DNAAF8: variants seen among roughly 807,000 people sequenced by gnomAD.
DNAAF8 encodes the protein dynein axonemal-associated protein 1.
A neutral mutation model predicts 54.6 loss-of-function variants in DNAAF8; 61 were observed. The observed-to-expected ratio is 1.12, with a 90% CI of 0.91 to 1.38. DNAAF8 has a LOEUF of 1.38. Ranked by LOEUF, DNAAF8 falls within the 40% of genes most tolerant of loss-of-function variation. The pLI is 0.00. For synonymous variants in DNAAF8, 320 were observed against 270.1 expected (o/e 1.18, Z -1.81); for missense variants, 837 against 665.0 (o/e 1.26, Z -2.85).
rs2082052282 is a variant in DNAAF8, at chr16:4,748,968, G to A, written c.*253G>A. 6.6e-6 allele frequency: 1 copy of A among 152,334 alleles called. No individual in the cohort carries two copies. The highest frequency in any genetic ancestry group is 1.5e-5 in the Non-Finnish European group (1 of 68,108). 9.4% of individuals were successfully genotyped at this position (152,334 alleles called of 1,614,324 possible). A position where few individuals can be genotyped will look rare whatever the true frequency, so the allele number is the denominator to read the frequency against. Reference sequence around the variant, plus strand: ...CCGTGGTCACTGGCCGCCAAGATCAGGGCTACAGATGTCTGCTCTCTGGAC... The same window carrying A: ...CCGTGGTCACTGGCCGCCAAGATCAAGGCTACAGATGTCTGCTCTCTGGAC... On this transcript the variant is annotated 3_prime_UTR_variant, in exon 10 of 10. Coordinates refer to ENST00000299320, the MANE Select transcript of DNAAF8 (RefSeq NM_139170.3).
At chr16:4,737,613 G>C (rs567320170) in intron 2 of DNAAF8, among the ~76,000 whole-genome samples, 187 bp from the exon 3 acceptor site, 1 of 152,042 alleles carries the variant, frequency 6.6e-6, no homozygotes, top group Non-Finnish European at 1.5e-5. Flanking sequence ...AAGAAGCCGC[G>C]CACAGCAAGG....
At chr16:4,745,946 C>G (rs2082010090) in intron 6 of DNAAF8, among the ~76,000 whole-genome samples, 1 of 117,016 alleles carries the variant, frequency 8.5e-6, no homozygotes, top group African/African-American at 3.1e-5. Flanking sequence ...GAGCAAGACT[C>G]TGTCTCAAAA....
chr16:4,746,882 C>T, intron 7 of DNAAF8, 45 bp from the exon 8 acceptor site: 1 of 1,481,108 alleles, frequency 6.8e-7, no homozygotes, highest in Non-Finnish European at 9.0e-7. Context: ...AGTTGGAACA[C>T]CAGGTGGAGT....
At chr16:4,743,526 A>C in intron 5 of DNAAF8, 2 of 172,716 alleles carry the variant, frequency 1.2e-5, no homozygotes, top group Non-Finnish European at 2.4e-5. Context: ...GTCAGCTCCT[A>C]AGCACGCTCC....
Position 4,746,476 on chromosome 16 carries a change from G to A in DNAAF8, c.1145G>A (p.Arg382Gln), listed in dbSNP as rs560198956. ...TCCCCCACCATCTTTATTGACCTGC[G>A]GCAGATGGAGCTACCAGACCACCTG... ...AESPTIFIDL[R>Q]QMELPDHLSP... Residue 382 changes from arginine to glutamine, a missense_variant, in exon 7 of 10, where the codon CGG becomes CAG. Coordinates refer to ENST00000299320, the MANE Select transcript of DNAAF8 (RefSeq NM_139170.3). The A allele has an allele frequency of 3.0e-5, 48 of 1,613,604 alleles. No individual in the cohort carries two copies. The highest frequency in any genetic ancestry group is 4.4e-5 in the South Asian group (4 of 91,090).
In DNAAF8 at chr16:4,740,496, T is replaced by C. The variant is rs1255579827; in HGVS notation, c.620T>C (p.Ile207Thr). 1.2e-6 allele frequency: 2 copies of C among 1,614,026 alleles called. No individual in the cohort carries two copies. The highest frequency in any genetic ancestry group is 4.5e-5 in the East Asian group (2 of 44,866). Residue 207 changes from isoleucine to threonine, a missense_variant, in exon 4 of 10, where the codon ATA becomes ACA. By Grantham distance (89) the Ile-to-Thr change is moderately conservative. Transcript: ENST00000299320. The part of the protein sequence containing the change: ...RALRQERRKM[I>T]ETDILQKVTR... ...CTCCGACAGGAGAGAAGGAAGATGA[T>C]AGAGACGGACATCCTCCAGAAAGTC...
At chr16:4,747,296 G>A (rs1272466884) in intron 8 of DNAAF8, 47 bp from the exon 9 acceptor site, 1 of 1,516,572 alleles carries the variant, frequency 6.6e-7, no homozygotes, top group Non-Finnish European at 8.8e-7. Flanking sequence ...GGGCTGGGAG[G>A]GGCGGCCCCC....
chr16:4,739,901 TA>T (rs1199301696), intron 3 of DNAAF8, among the ~76,000 whole-genome samples: 1 of 150,794 alleles, frequency 6.6e-6, no homozygotes, highest in Non-Finnish European at 1.5e-5. Context: ...AAAATAATAT[TA>T]AAAAAAATTA....
rs572256864 is a variant in DNAAF8 at position 4,737,788 on chromosome 16, A to G, written c.130-12A>G. On this transcript the variant is annotated splice_polypyrimidine_tract_variant and intron_variant, in intron 2 of 9. Coordinates refer to ENST00000299320, the MANE Select transcript of DNAAF8 (RefSeq NM_139170.3). ...TGCCTTGTCCTCCAAAAGCCCTCTC[A>G]TTTGTCCACAGTCGGACTATGGGGA... 3.7e-6 allele frequency: 6 copies of G among 1,614,000 alleles called. No individual in the cohort carries two copies. The highest frequency in any genetic ancestry group is 4.5e-5 in the East Asian group (2 of 44,872).
chr16:4,742,893 C>T (rs2081972460), intron 4 of DNAAF8, 150 bp from the exon 5 acceptor site: 1 of 715,852 alleles, frequency 1.4e-6, no homozygotes, highest in Admixed American at 2.5e-5. Flanking sequence ...CGGGGTCAGC[C>T]TATTTGCAAA....
At chr16:4,747,076 C>A in intron 8 of DNAAF8, 51 bp downstream of exon 8, 1 of 1,467,190 alleles carries the variant, frequency 6.8e-7, no homozygotes, top group South Asian at 1.3e-5. Flanking sequence ...CCTCTGCTTT[C>A]TGCAGCAAGC....
chr16:4,736,628 C>T lies in DNAAF8; in HGVS notation c.114C>T (p.Asp38=). The change falls in exon 2 of 10, where the codon GAC becomes GAT. Residue 38 remains aspartate, a synonymous_variant. Transcript: ENST00000299320. Reference sequence around the variant, plus strand: ...TCAAAGACCAGCTCCCGTCTCTGGACTCAGACTCCCCTTTGGTAAGCAAGA... The same window carrying T: ...TCAAAGACCAGCTCCCGTCTCTGGATTCAGACTCCCCTTTGGTAAGCAAGA... The part of the protein sequence containing the change: ...KAVKDQLPSL[D]SDSPLSDYGE... 6.3e-7 allele frequency: 1 copy of T among 1,575,032 alleles called. No homozygotes were observed. The highest frequency in any genetic ancestry group is 8.6e-7 in the Non-Finnish European group (1 of 1,159,766).
intron 4 of DNAAF8, among the ~76,000 whole-genome samples, chr16:4,740,971 C>T (rs1473795967): frequency 6.6e-6 from 1 of 150,638 alleles, no homozygotes. Context: ...CCCCGGAGTT[C>T]AAGACCATCC....
rs2081952283 is a variant in DNAAF8 at position 4,740,766 on chromosome 16, ACCT to A, written c.783+108_783+110del. 11 of 1,334,090 alleles carry A rather than the reference ACCT, an allele frequency of 8.2e-6. No homozygotes were observed. The South Asian group carries it at 1.6e-4, about 19-fold the overall frequency. 82.6% of individuals were successfully genotyped at this position (1,334,090 alleles called of 1,614,324 possible). ...GCAGCTTGAGGGCTGGCCCACTAGGACCTTAGGCCCATTATCCACCATTCTGTG... is the reference window on the plus strand; with the variant it reads ...GCAGCTTGAGGGCTGGCCCACTAGGATAGGCCCATTATCCACCATTCTGTG... On this transcript the variant is annotated intron_variant, in intron 4 of 9. Coordinates refer to ENST00000299320, the MANE Select transcript of DNAAF8 (RefSeq NM_139170.3).
At chr16:4,745,578 A>T (rs1203376891) in intron 6 of DNAAF8, among the ~76,000 whole-genome samples, 2 of 152,204 alleles carry the variant, frequency 1.3e-5, no homozygotes, top group South Asian at 2.1e-4. Context: ...GCACTTGAGG[A>T]ATCTGAGAAC....
intron 4 of DNAAF8, among the ~76,000 whole-genome samples, chr16:4,742,025 T>C (rs1262877701): frequency 6.6e-6 from 1 of 152,180 alleles, no homozygotes; most frequent in Non-Finnish European, 1.5e-5. Flanking sequence ...TCTGCTCACC[T>C]AAAAACTTAT....
chr16:4,745,340 G>GC (rs1316331558), intron 6 of DNAAF8, among the ~76,000 whole-genome samples: 1 of 152,184 alleles, frequency 6.6e-6, no homozygotes, highest in Non-Finnish European at 1.5e-5. Context: ...ATGTGACCCT[G>GC]CCCCTCTGGC....
At chr16:4,739,233 A>G (rs2081930136) in intron 3 of DNAAF8, among the ~76,000 whole-genome samples, 1 of 125,166 alleles carries the variant, frequency 8.0e-6, no homozygotes, top group Non-Finnish European at 1.7e-5. Flanking sequence ...ACAATCAATT[A>G]CTTCAGAAAC....
At chr16:4,738,276 G>A (rs185497673) in intron 3 of DNAAF8, among the ~76,000 whole-genome samples, 2 of 152,104 alleles carry the variant, frequency 1.3e-5, no homozygotes, top group Non-Finnish European at 2.9e-5. Flanking sequence ...TGTCCTAATT[G>A]TCTCTCCCTT....
Sources: gnomAD v4.1 joint callset for allele counts (sites outside exome capture counted in the v4.1 genomes callset) on GRCh38, gnomAD v4.1.1 for gene constraint, MANE v1.5 for transcripts, NCBI Gene and HGNC (gene_info 2026-07-23, HGNC 2026-07-21) for gene names.